The following PSTPIP2 variants were observed in gnomAD, a reference collection of about 807,000 sequenced individuals.
PSTPIP2 encodes the protein proline-serine-threonine phosphatase interacting protein 2.
PSTPIP2 carries 33 observed loss-of-function variants against 63.3 expected under a neutral mutation model. The observed-to-expected ratio is 0.52, with a 90% CI of 0.40 to 0.70. PSTPIP2 has a LOEUF of 0.70. Ranked by LOEUF, PSTPIP2 falls within the 30% of genes least tolerant of loss-of-function variation. PSTPIP2 has a pLI of 0.00. For synonymous variants in PSTPIP2, 125 were observed against 132.7 expected (o/e 0.94, Z 0.40); for missense variants, 312 against 400.7 (o/e 0.78, Z 1.89).
chr18:45,983,637 C>G lies in PSTPIP2; in HGVS notation c.*1822G>C, dbSNP rs1158058319. 1 of 152,068 alleles carries G rather than the reference C, an allele frequency of 6.6e-6. No individual in the cohort carries two copies. The highest frequency in any genetic ancestry group is 2.4e-5 in the African/African-American group (1 of 41,396). The allele number at this position is 152,068 out of a possible 1,614,324, so 9.4% of individuals were successfully genotyped here. A position where few individuals can be genotyped will look rare whatever the true frequency, so the allele number is the denominator to read the frequency against. ...AACGGTTTTACATCAACTACACTGA[C>G]CAATACAGAGAAAAGGGAAATCCCT... is the stretch of plus-strand genomic sequence containing the variant. On this transcript the variant is annotated 3_prime_UTR_variant, in exon 15 of 15. Coordinates refer to ENST00000409746, the MANE Select transcript of PSTPIP2 (RefSeq NM_024430.4).
intron 1 of PSTPIP2, among the ~76,000 whole-genome samples, chr18:46,048,760 A>G (rs1428946386): frequency 6.6e-6 from 1 of 152,204 alleles, no homozygotes; most frequent in Non-Finnish European, 1.5e-5. Flanking sequence ...GCCATGTGGA[A>G]TCCTGAATGG....
intron 1 of PSTPIP2, among the ~76,000 whole-genome samples, chr18:46,048,052 A>G (rs933441270): frequency 2.6e-5 from 4 of 152,242 alleles, no homozygotes; most frequent in Non-Finnish European, 5.9e-5. Flanking sequence ...CAAAAAGGAC[A>G]TTGCAGATGT....
Position 45,997,790 on chromosome 18 carries a change from C to T in PSTPIP2, c.601G>A (p.Val201Ile). 6.4e-7 allele frequency: 1 copy of T among 1,565,884 alleles called. No homozygotes were observed. The highest frequency in any genetic ancestry group is 8.7e-7 in the Non-Finnish European group (1 of 1,153,534). The change falls in exon 9 of 15, where the codon GTC becomes ATC. Residue 201 changes from valine to isoleucine, a missense_variant. By Grantham distance (29) the Val-to-Ile change is conservative (BLOSUM62 3). Transcript: ENST00000409746. ...YMLHIGTLDK[V>I]REEWQSEHIK... ...TGCTCACTCTGCCACTCTTCTCGGACCTTATCCAGGGTGCCGATGTGCAGC... is the reference window on the plus strand; with the variant it reads ...TGCTCACTCTGCCACTCTTCTCGGATCTTATCCAGGGTGCCGATGTGCAGC...
At chr18:46,066,893 G>A (rs1909207923) in intron 1 of PSTPIP2, among the ~76,000 whole-genome samples, 1 of 152,074 alleles carries the variant, frequency 6.6e-6, no homozygotes, top group South Asian at 2.1e-4. Context: ...CGGGCGTGGT[G>A]GCGCATGCCT....
At chr18:46,068,621 C>T (rs1909278581) in intron 1 of PSTPIP2, among the ~76,000 whole-genome samples, 1 of 151,776 alleles carries the variant, frequency 6.6e-6, no homozygotes, top group Non-Finnish European at 1.5e-5. Context: ...TATCCCAGCA[C>T]TTTGGGAGGC....
intron 1 of PSTPIP2, among the ~76,000 whole-genome samples, chr18:46,061,297 C>T (rs1427265402): frequency 4.0e-5 from 6 of 149,504 alleles, no homozygotes; most frequent in African/African-American, 1.5e-4. Context: ...GAGCGAGACT[C>T]CATTTCACCA....
At chr18:46,033,864 T>C (rs1907873817) in intron 2 of PSTPIP2, among the ~76,000 whole-genome samples, 1 of 152,114 alleles carries the variant, frequency 6.6e-6, no homozygotes, top group African/African-American at 2.4e-5. Context: ...AATAAAGTCT[T>C]CAAGACAGCA....
Position 46,015,902 on chromosome 18 carries a change from C to A in PSTPIP2, c.247+1G>T. 2 of 1,611,390 alleles carry A rather than the reference C, an allele frequency of 1.2e-6. No individual in the cohort carries two copies. Among genetic ancestry groups the A allele is most frequent in the Non-Finnish European group, 1.7e-6 (2 of 1,178,514 alleles). On this transcript the variant is annotated splice_donor_variant, in intron 4 of 14. Transcript: ENST00000409746. LOFTEE classifies it high-confidence loss of function. ...CATTTTTTAAAAAAAAAATCACTTACGCTGCTTGAAGACTTCAAGGGCCCG... is the reference window on the plus strand; with the variant it reads ...CATTTTTTAAAAAAAAAATCACTTAAGCTGCTTGAAGACTTCAAGGGCCCG...
intron 2 of PSTPIP2, among the ~76,000 whole-genome samples, chr18:46,034,792 G>A (rs1005349895): frequency 6.6e-6 from 1 of 152,104 alleles, no homozygotes; most frequent in Non-Finnish European, 1.5e-5. Context: ...ATAACATAAG[G>A]ATGAGAAAAC....
At chr18:46,016,053 A>G (rs2051849952) in intron 3 of PSTPIP2, 116 bp from the exon 4 acceptor site, 1 of 1,206,904 alleles carries the variant, frequency 8.3e-7, no homozygotes, top group African/African-American at 1.5e-5. Flanking sequence ...CTACAGACCA[A>G]TTTTTGCCCA....
intron 1 of PSTPIP2, among the ~76,000 whole-genome samples, chr18:46,058,807 G>A (rs917114620): frequency 6.6e-6 from 1 of 152,204 alleles, no homozygotes; most frequent in Non-Finnish European, 1.5e-5. Context: ...TGTCACCAGC[G>A]GGGTGGGACC....
chr18:45,986,578 G>A (rs2051468702), intron 14 of PSTPIP2, among the ~76,000 whole-genome samples: 1 of 152,214 alleles, frequency 6.6e-6, no homozygotes, highest in Admixed American at 6.5e-5. Context: ...GATTTACCAG[G>A]TTTCCACTCT....
chr18:46,037,410 G>C lies in PSTPIP2; in HGVS notation c.134+2537C>G, dbSNP rs111911425. On this transcript the variant is annotated intron_variant, in intron 2 of 14. Coordinates refer to ENST00000409746, the MANE Select transcript of PSTPIP2 (RefSeq NM_024430.4). ...GATCTGCCTGCCTCGGCCTCCCAAA[G>C]TTCTGGGATTACAGGTGTGAGCCAC... 4.7e-3 allele frequency among the ~76,000 whole-genome samples: 714 copies of C among 152,254 alleles called. 11 individuals are homozygous for C. The highest frequency in any genetic ancestry group is 0.03 in the Admixed American group (451 of 15,284).
intron 1 of PSTPIP2, among the ~76,000 whole-genome samples, chr18:46,054,058 C>T (rs1240591907): frequency 6.6e-6 from 1 of 152,160 alleles, no homozygotes; most frequent in African/African-American, 2.4e-5. Context: ...AGGCTACAAA[C>T]CTGTACGGCA....
At chr18:46,044,003 AG>A (rs1276861435) in intron 1 of PSTPIP2, among the ~76,000 whole-genome samples, 4 of 152,234 alleles carry the variant, frequency 2.6e-5, no homozygotes, top group Non-Finnish European at 5.9e-5. Context: ...CCTAAATAAA[AG>A]TAGGTATATA....
intron 3 of PSTPIP2, among the ~76,000 whole-genome samples, chr18:46,023,723 G>A (rs1907467765): frequency 1.3e-5 from 2 of 151,640 alleles, no homozygotes; most frequent in East Asian, 3.9e-4. Flanking sequence ...AGACCTCTGG[G>A]CATCTCTGCT....
intron 9 of PSTPIP2, among the ~76,000 whole-genome samples, chr18:45,996,788 A>C (rs1288162559): frequency 6.6e-6 from 1 of 151,942 alleles, no homozygotes; most frequent in African/African-American, 2.4e-5. Context: ...ATAAATAATA[A>C]ATAATTAACA....
intron 1 of PSTPIP2, among the ~76,000 whole-genome samples, chr18:46,067,502 CAAA>C (rs534950641): frequency 2.5e-5 from 3 of 118,302 alleles, no homozygotes; most frequent in Admixed American, 9.1e-5. Flanking sequence ...GACTCTGTCT[CAAA>C]AAAAAAAAAA....
At chr18:46,033,058 C>G (rs577734455) in intron 2 of PSTPIP2, among the ~76,000 whole-genome samples, 1 of 152,212 alleles carries the variant, frequency 6.6e-6, no homozygotes, top group African/African-American at 2.4e-5. Flanking sequence ...GGGGCTCTCA[C>G]AGAACATCTC....
Sources: gnomAD v4.1 joint callset for allele counts (sites outside exome capture counted in the v4.1 genomes callset) on GRCh38, gnomAD v4.1.1 for gene constraint, MANE v1.5 for transcripts, NCBI Gene and HGNC (gene_info 2026-07-23, HGNC 2026-07-21) for gene names.